The following SAMHD1 variants were observed in gnomAD, a reference collection of about 807,000 sequenced individuals.
SAMHD1 encodes the protein SAM and HD domain containing deoxynucleoside triphosphate triphosphohydrolase 1, also known as deoxynucleoside triphosphate triphosphohydrolase SAMHD1.
In SAMHD1, 54 loss-of-function variants were observed where a neutral mutation model predicts 79.6. That is an observed-to-expected ratio of 0.68 (90% CI 0.55 to 0.85). SAMHD1 has a LOEUF of 0.85. Among genes scored for constraint, SAMHD1 ranks in the 40% least tolerant of loss-of-function variants. SAMHD1 has a pLI of 0.00. For missense variants in SAMHD1, 663 were observed against 782.7 expected, an observed-to-expected ratio of 0.85 and a Z score of 1.82; for synonymous variants, 260 against 264.1, an observed-to-expected ratio of 0.98 and a Z score of 0.15.
intron 1 of SAMHD1, among the ~76,000 whole-genome samples, chr20:36,950,077 C>T (rs2063723514): frequency 6.6e-6 from 1 of 151,692 alleles, no homozygotes; most frequent in African/African-American, 2.4e-5. Flanking sequence ...AAGACATGAG[C>T]AATTGGGAAC....
intron 1 of SAMHD1, among the ~76,000 whole-genome samples, chr20:36,947,551 GGT>G (rs71186095): frequency 0.022 from 1,695 of 75,714 alleles, 66 homozygotes; most frequent in Non-Finnish European, 0.03. Flanking sequence ...TTGGAAGAGG[GGT>G]GTGTGTGTGT....
At chr20:36,939,075 C>A (rs867698322) in intron 3 of SAMHD1, among the ~76,000 whole-genome samples, 28 of 22,518 alleles carry the variant, frequency 1.2e-3, no homozygotes, top group East Asian at 1.9e-3. Context: ...CTAAAAATAC[C>A]AAAAAAAAAA....
chr20:36,905,415 T>C lies in SAMHD1; in HGVS notation c.1359A>G (p.Leu453=), dbSNP rs142183953. ...EILKQIEYRN[L]FKYVGETQPT... ...GCTGCGTCTCACCCACATACTTGAA[T>C]AGATTACGGTATTCAATTTGTTTTA... Residue 453 remains leucine (L), a synonymous_variant, in exon 12 of 16, where the codon CTA becomes CTG. Transcript: ENST00000646673. The C allele has an allele frequency of 1.1e-5, 18 of 1,613,912 alleles. 1 individual carries two copies. In the South Asian group the frequency reaches 1.3e-4, roughly 12 times the overall value.
chr20:36,948,890 A>AAAAAG (rs1211174153), intron 1 of SAMHD1, among the ~76,000 whole-genome samples: 4 of 115,790 alleles, frequency 3.5e-5, no homozygotes, highest in Non-Finnish European at 7.0e-5. Context: ...AAGAAAAGAA[A>AAAAAG]AAAAGAAAAG....
intron 11 of SAMHD1, among the ~76,000 whole-genome samples, chr20:36,906,361 C>T (rs572332251): frequency 2.4e-4 from 36 of 152,338 alleles, no homozygotes; most frequent in African/African-American, 8.7e-4. Context: ...TCGCTTGAAC[C>T]CTGGAGGTGG....
At chr20:36,912,374 T>C in intron 10 of SAMHD1, 87 bp downstream of exon 10, 1 of 800,436 alleles carries the variant, frequency 1.2e-6, no homozygotes. Context: ...CTTGAACTCA[T>C]CTAGAAATGT....
chr20:36,904,028 C>G, intron 13 of SAMHD1, 129 bp downstream of exon 13: 1 of 726,474 alleles, frequency 1.4e-6, no homozygotes, highest in Non-Finnish European at 2.5e-6. Flanking sequence ...TATTGGTTCT[C>G]TTTGTGAGGG....
intron 7 of SAMHD1, among the ~76,000 whole-genome samples, chr20:36,918,773 G>A (rs1469306409): frequency 8.2e-6 from 1 of 121,534 alleles, no homozygotes; most frequent in Non-Finnish European, 1.6e-5. Flanking sequence ...CTGTACTCCA[G>A]CCTGGCCAAC....
chr20:36,940,630 C>T (rs953064159), intron 3 of SAMHD1: 4 of 247,084 alleles, frequency 1.6e-5, no homozygotes, highest in Non-Finnish European at 3.2e-5. Context: ...GCCAGGGAGA[C>T]GGAGGTTGGA....
At chr20:36,894,476 A>C (rs151043080) in intron 15 of SAMHD1, among the ~76,000 whole-genome samples, 1 of 150,440 alleles carries the variant, frequency 6.6e-6, no homozygotes, top group Non-Finnish European at 1.5e-5. Context: ...CAGTAAAGGC[A>C]ATCATTTAGG....
intron 3 of SAMHD1, among the ~76,000 whole-genome samples, chr20:36,938,111 A>T (rs1601147017): frequency 6.6e-6 from 1 of 152,038 alleles, no homozygotes; most frequent in Non-Finnish European, 1.5e-5. Flanking sequence ...CAAGTGATCC[A>T]CCTACCTCAG....
chr20:36,903,236 G>C (rs1478738535), intron 13 of SAMHD1, among the ~76,000 whole-genome samples: 3 of 151,974 alleles, frequency 2.0e-5, no homozygotes, highest in African/African-American at 7.2e-5. Context: ...GGTGTAATCT[G>C]CTGAGACTAT....
At chr20:36,934,426 A>C (rs1257424543) in intron 4 of SAMHD1, among the ~76,000 whole-genome samples, 1 of 139,164 alleles carries the variant, frequency 7.2e-6, no homozygotes, top group East Asian at 2.5e-4. Context: ...CAGGAGGCTG[A>C]GGTACAGAAC....
chr20:36,924,007 T>C (rs571575470), intron 6 of SAMHD1, among the ~76,000 whole-genome samples: 84 of 152,116 alleles, frequency 5.5e-4, no homozygotes, highest in African/African-American at 1.5e-3. Context: ...CTCAGCACTT[T>C]AGGAGGCCAA....
intron 13 of SAMHD1, 103 bp from the exon 14 acceptor site, chr20:36,898,647 C>T (rs1244449598): frequency 3.4e-6 from 3 of 871,894 alleles, no homozygotes; most frequent in Non-Finnish European, 3.8e-6. Context: ...GGCGCAGTAG[C>T]TCATGCCTAT....
chr20:36,924,184 C>T (rs8124347), intron 6 of SAMHD1, among the ~76,000 whole-genome samples: 3,315 of 150,154 alleles, frequency 0.022, 130 homozygotes, highest in African/African-American at 0.078. Flanking sequence ...CCTTGGAAGT[C>T]GAGGTTGCAG....
intron 15 of SAMHD1, among the ~76,000 whole-genome samples, chr20:36,896,906 C>G (rs1990209485): frequency 6.6e-6 from 1 of 151,932 alleles, no homozygotes; most frequent in African/African-American, 2.4e-5. Flanking sequence ...TCATGGTCCC[C>G]TAAACAGTCT....
chr20:36,914,909 A>G (rs1307294071), intron 9 of SAMHD1, among the ~76,000 whole-genome samples: 3 of 151,434 alleles, frequency 2.0e-5, no homozygotes, highest in Non-Finnish European at 4.4e-5. Context: ...CTATTCGGGA[A>G]GCTGAAGTGG....
rs779084053 is a variant in SAMHD1 at position 36,935,206 on chromosome 20, A to C, written c.349-17T>G. On this transcript the variant is annotated splice_polypyrimidine_tract_variant and intron_variant, in intron 3 of 15. Transcript: ENST00000646673. ...ATTAATTACCTAGAAAATTATGTTT[A>C]ATTAATACAAATAACGACATGTAAG... 1.2e-6 allele frequency: 2 copies of C among 1,600,066 alleles called. No homozygotes were observed. Among genetic ancestry groups the C allele is most frequent in the Non-Finnish European group, 1.7e-6 (2 of 1,167,422 alleles).
Sources: gnomAD v4.1 joint callset for allele counts (sites outside exome capture counted in the v4.1 genomes callset) on GRCh38, gnomAD v4.1.1 for gene constraint, MANE v1.5 for transcripts, NCBI Gene and HGNC (gene_info 2026-07-23, HGNC 2026-07-21) for gene names.